Variants in RELL1 observed in about 807,000 individuals in gnomAD.
The protein encoded by RELL1 is RELT like 1.
A neutral mutation model predicts 23.0 loss-of-function variants in RELL1; 10 were observed. That is an observed-to-expected ratio of 0.43 (90% CI 0.27 to 0.74). The LOEUF (loss-of-function observed/expected upper bound fraction) is 0.74. Among genes scored for constraint, RELL1 ranks in the 30% least tolerant of loss-of-function variants. The probability of loss-of-function intolerance (pLI) is 0.19; values close to 1 mark genes in which losing one functional copy is unlikely to be tolerated. For synonymous variants in RELL1, 146 were observed against 146.8 expected, an observed-to-expected ratio of 0.99 and a Z score of 0.04; for missense variants, 315 against 364.4, an observed-to-expected ratio of 0.86 and a Z score of 1.10.
intron 6 of RELL1, among the ~76,000 whole-genome samples, chr4:37,595,004 C>T (rs1718782052): frequency 6.6e-6 from 1 of 152,222 alleles, no homozygotes; most frequent in African/African-American, 2.4e-5. Flanking sequence ...CTGCTTTTCA[C>T]ACAACCAGGC....
chr4:37,663,855 G>A (rs1037616404), intron 1 of RELL1, among the ~76,000 whole-genome samples: 1 of 152,032 alleles, frequency 6.6e-6, no homozygotes, highest in African/African-American at 2.4e-5. Context: ...GCTGCATACA[G>A]GTCAACATTC....
intron 1 of RELL1, among the ~76,000 whole-genome samples, chr4:37,663,584 C>T (rs546756959): frequency 2.4e-4 from 37 of 152,266 alleles, no homozygotes; most frequent in African/African-American, 7.7e-4. Flanking sequence ...TGGGCAATCT[C>T]ATTCTTCCCT....
chr4:37,597,444 T>C (rs546896762), intron 6 of RELL1, among the ~76,000 whole-genome samples: 1 of 152,270 alleles, frequency 6.6e-6, no homozygotes, highest in South Asian at 2.1e-4. Flanking sequence ...CAACTTAAAA[T>C]CCCACACAAA....
At position 37,590,876 on chromosome 4, in the gene RELL1, A is replaced by G. The variant is rs3733500; in HGVS notation, c.*345T>C. 1,930 of 1,614,206 alleles carry G rather than the reference A, an allele frequency of 1.2e-3. 37 individuals carry two copies. The East Asian group carries it at 0.025, about 21-fold the overall frequency. On this transcript the variant is annotated 3_prime_UTR_variant, in exon 7 of 7. Coordinates refer to the RELL1 transcript ENST00000314117. Reference sequence around the variant, plus strand: ...GTGGTTGACTCAGGAAACAGGCAGGAGGATACCCATGGCTCCGATGGAGAT... The same window carrying G: ...GTGGTTGACTCAGGAAACAGGCAGGGGGATACCCATGGCTCCGATGGAGAT...
downstream of RELL1, chr4:37,588,770 G>GAA: frequency 1.9e-6 from 2 of 1,042,710 alleles, no homozygotes; most frequent in Non-Finnish European, 2.9e-6. Context: ...AGTCTCTAGG[G>GAA]AAAAAAAAAG....
At chr4:37,618,781 G>A (rs1376120717) in intron 6 of RELL1, among the ~76,000 whole-genome samples, 1 of 152,218 alleles carries the variant, frequency 6.6e-6, no homozygotes, top group Non-Finnish European at 1.5e-5. Flanking sequence ...CACCACAAAG[G>A]TCTAGACCAT....
chr4:37,662,246 T>C (rs948529481), intron 1 of RELL1, among the ~76,000 whole-genome samples: 1 of 152,180 alleles, frequency 6.6e-6, no homozygotes, highest in African/African-American at 2.4e-5. Flanking sequence ...AAAATTATCA[T>C]TACTAATGAT....
At chr4:37,599,194 T>A (rs1278312914) in intron 6 of RELL1, among the ~76,000 whole-genome samples, 1 of 152,196 alleles carries the variant, frequency 6.6e-6, no homozygotes, top group Non-Finnish European at 1.5e-5. Flanking sequence ...GTCAAGGCCT[T>A]GTAACCATAA....
downstream of RELL1, among the ~76,000 whole-genome samples, chr4:37,605,842 AGAAG>A (rs747495384): frequency 6.0e-5 from 7 of 117,472 alleles, no homozygotes; most frequent in Non-Finnish European, 8.3e-5. Context: ...AAAGAAAGAA[AGAAG>A]GAAAAGAAAA....
chr4:37,670,499 A>G (rs1297400862), intron 1 of RELL1, among the ~76,000 whole-genome samples: 1 of 152,224 alleles, frequency 6.6e-6, no homozygotes, highest in Non-Finnish European at 1.5e-5. Context: ...CTTCTACTTT[A>G]TTACACTATA....
intron 1 of RELL1, chr4:37,665,056 C>G (rs187255509): frequency 7.5e-4 from 265 of 353,684 alleles, no homozygotes; most frequent in Non-Finnish European, 1.1e-3. Flanking sequence ...CCTGAAACAT[C>G]TGCTGCAGCA....
intron 6 of RELL1, among the ~76,000 whole-genome samples, chr4:37,596,383 A>G (rs1489583369): frequency 2.6e-5 from 4 of 152,044 alleles, no homozygotes; most frequent in East Asian, 1.9e-4. Flanking sequence ...TGGCATCTAC[A>G]TCGTTTTTGT....
chr4:37,612,180 A>C lies in RELL1; in HGVS notation c.*1166T>G, dbSNP rs1329529393. ...CGACAGAGCGAGACTCCGCCTCAAA[A>C]AAAAAAAAAAAAAAAAAAAAAGAGA... On this transcript the variant is annotated 3_prime_UTR_variant, in exon 7 of 7. Transcript: ENST00000454158. 9.5e-5 allele frequency among the ~76,000 whole-genome samples: 12 copies of C among 125,700 alleles called. No homozygotes were observed. The highest frequency in any genetic ancestry group is 3.4e-4 in the African/African-American group (11 of 32,650). 82.5% of individuals were successfully genotyped at this position (125,700 alleles called of 152,430 possible).
chr4:37,669,495 A>C (rs1721732657), intron 1 of RELL1, among the ~76,000 whole-genome samples: 2 of 151,342 alleles, frequency 1.3e-5, no homozygotes, highest in Non-Finnish European at 1.5e-5. Flanking sequence ...GGAAGTGAGG[A>C]GCCCCTCTGC....
intron 6 of RELL1, among the ~76,000 whole-genome samples, chr4:37,595,989 ATGG>A (rs1718828447): frequency 6.6e-6 from 1 of 152,188 alleles, no homozygotes; most frequent in South Asian, 2.1e-4. Flanking sequence ...GCTCCTAGTG[ATGG>A]GGGAAAAAAG....
At chr4:37,619,026 T>C (rs1171689221) in intron 6 of RELL1, among the ~76,000 whole-genome samples, 1 of 151,830 alleles carries the variant, frequency 6.6e-6, no homozygotes, top group Non-Finnish European at 1.5e-5. Flanking sequence ...ATTACAGGCA[T>C]GCGCCACCAC....
chr4:37,658,727 T>C (rs932775158), intron 1 of RELL1, among the ~76,000 whole-genome samples: 2 of 152,238 alleles, frequency 1.3e-5, no homozygotes, highest in African/African-American at 4.8e-5. Flanking sequence ...TCATTATTTT[T>C]CTTTCAACAA....
chr4:37,673,181 T>TTC, intron 1 of RELL1, among the ~76,000 whole-genome samples: 5 of 101,364 alleles, frequency 4.9e-5, no homozygotes, highest in African/African-American at 1.5e-4. Flanking sequence ...ATATACTTTT[T>TTC]TTTTCTTTTT....
chr4:37,608,110 C>A (rs1719278427), downstream of RELL1, among the ~76,000 whole-genome samples: 2 of 152,142 alleles, frequency 1.3e-5, no homozygotes, highest in South Asian at 4.1e-4. Context: ...CATGTGTGTT[C>A]CAACTGCCCG....
Sources: allele counts gnomAD v4.1 joint callset (sites outside exome capture counted in the v4.1 genomes callset), GRCh38; gene constraint gnomAD v4.1.1; transcripts MANE v1.5; gene names NCBI Gene and HGNC (gene_info 2026-07-23, HGNC 2026-07-21).